Variants in PLET1 observed in about 807,000 individuals in gnomAD.
The protein encoded by PLET1 is placenta expressed transcript 1.
PLET1 carries 20 observed loss-of-function variants against 18.5 expected under a neutral mutation model. The observed-to-expected ratio is 1.08, with a 90% CI of 0.76 to 1.57. The LOEUF (loss-of-function observed/expected upper bound fraction) is 1.57, where lower values mean the gene tolerates loss of function less well. Ranked by LOEUF, PLET1 falls within the 40% of genes most tolerant of loss-of-function variation. The probability of loss-of-function intolerance (pLI) is 0.00; values close to 1 mark genes in which losing one functional copy is unlikely to be tolerated. For synonymous variants in PLET1, 93 were observed against 93.8 expected (o/e 0.99, Z 0.05); for missense variants, 256 against 246.4 (o/e 1.04, Z -0.26).
intron 3 of PLET1, 77 bp from the exon 4 acceptor site, chr11:112,249,051 G>A (rs765144979): frequency 2.4e-5 from 31 of 1,301,528 alleles, no homozygotes; most frequent in Non-Finnish European, 3.3e-5. Flanking sequence ...GTGGGCACTC[G>A]AGAAAGGAGG....
At chr11:112,259,941 G>A (rs956184775) in intron 1 of PLET1, among the ~76,000 whole-genome samples, 1 of 152,118 alleles carries the variant, frequency 6.6e-6, no homozygotes, top group Admixed American at 6.5e-5. Context: ...GGGAGGCTGA[G>A]GTACAAGAAT....
rs1164391338 is a variant in PLET1 at position 112,248,893 on chromosome 11, C to G, written c.530G>C (p.Arg177Thr). 1 of 1,551,364 alleles carries G rather than the reference C, an allele frequency of 6.4e-7. No individual in the cohort carries two copies. The highest frequency in any genetic ancestry group is 1.2e-5 in the South Asian group (1 of 84,052). ...PFFMITPKSI[R>T]LEGLANQVFS... ...GACTTGGTTGGCCAAGCCTTCGAGT[C>G]TGATACTCTTGGGTGTAATCATGAA... is the stretch of plus-strand genomic sequence containing the variant. Residue 177 changes from arginine (R) to threonine (T), a missense_variant, in exon 4 of 4, where the codon AGA becomes ACA. Transcript: ENST00000338832.
At chr11:112,250,362 G>A (rs773874402) in intron 3 of PLET1, among the ~76,000 whole-genome samples, 3 of 151,506 alleles carry the variant, frequency 2.0e-5, no homozygotes, top group African/African-American at 4.9e-5. Flanking sequence ...ACAGCCCATG[G>A]TCCTAAGATG....
At chr11:112,256,141 T>C (rs1566830060) in intron 1 of PLET1, among the ~76,000 whole-genome samples, 1 of 152,202 alleles carries the variant, frequency 6.6e-6, no homozygotes. Flanking sequence ...GGAGTGCCTT[T>C]GAGCCACAGG....
At chr11:112,259,790 C>G (rs962749175) in intron 1 of PLET1, among the ~76,000 whole-genome samples, 2 of 152,164 alleles carry the variant, frequency 1.3e-5, no homozygotes, top group African/African-American at 4.8e-5. Context: ...GTAATTCCAG[C>G]ACTTTGGGTG....
At chr11:112,260,052 CAAAAAGA>C (rs974122447) in intron 1 of PLET1, among the ~76,000 whole-genome samples, 28 of 152,126 alleles carry the variant, frequency 1.8e-4, no homozygotes, top group African/African-American at 6.7e-4. Flanking sequence ...AAAACAAAAA[CAAAAAGA>C]GAAAAGATTA....
intron 2 of PLET1, among the ~76,000 whole-genome samples, chr11:112,252,712 T>G (rs1456740487): frequency 6.6e-6 from 1 of 152,180 alleles, no homozygotes; most frequent in African/African-American, 2.4e-5. Flanking sequence ...CTATAATACC[T>G]GTCCTGGTCA....
rs1470910651 is a variant in PLET1, at chr11:112,260,729, T to C, written c.-140A>G. On this transcript the variant is annotated 5_prime_UTR_variant, in exon 1 of 4. Transcript: ENST00000338832. ...CCCCTTCTGAATATACATTGGATTC[T>C]GGAATTTGGCCCAAGACATCACCAG... The C allele has an allele frequency of 4.1e-6, 3 of 740,598 alleles. No individual in the cohort carries two copies. Among genetic ancestry groups the C allele is most frequent in the Non-Finnish European group, 6.4e-6 (3 of 471,632 alleles). 45.9% of individuals were successfully genotyped at this position (740,598 alleles called of 1,614,324 possible).
Position 112,248,969 on chromosome 11 carries a change from T to A in PLET1, c.454A>T (p.Thr152Ser). The part of the protein sequence containing the change: ...STLKLREKLS[T>S]LALAAKIPQS... ...GGAATCTTGGCAGCTAAGGCTAAGG[T>A]TGACACTGGAAAGGTGGTTGAGGGT... The change falls in exon 4 of 4, where the codon ACC becomes TCC. Residue 152 changes from threonine (T) to serine (S), a missense_variant. Thr to Ser is a moderately conservative substitution (Grantham distance 58). Coordinates refer to ENST00000338832, the MANE Select transcript of PLET1 (RefSeq NM_001145024.1). The A allele has an allele frequency of 6.5e-7, 1 of 1,550,094 alleles. No individual in the cohort carries two copies. The highest frequency in any genetic ancestry group is 2.4e-5 in the East Asian group (1 of 40,890).
chr11:112,260,720 A>G lies in PLET1; in HGVS notation c.-131T>C. On this transcript the variant is annotated 5_prime_UTR_variant, in exon 1 of 4. An upstream start codon of the reference 5' UTR is lost. Transcript: ENST00000338832. ...TTCTCCCTGCCCCTTCTGAATATACATTGGATTCTGGAATTTGGCCCAAGA... is the reference window on the plus strand; with the variant it reads ...TTCTCCCTGCCCCTTCTGAATATACGTTGGATTCTGGAATTTGGCCCAAGA... The G allele has an allele frequency of 1.3e-6, 1 of 777,488 alleles. No homozygotes were observed. Among genetic ancestry groups the G allele is most frequent in the South Asian group, 2.0e-5 (1 of 50,324 alleles). The allele number at this position is 777,488 out of a possible 1,614,324, so 48.2% of individuals were successfully genotyped here.
intron 1 of PLET1, chr11:112,260,148 T>TGA (rs1324546569): frequency 7.3e-6 from 3 of 413,242 alleles, no homozygotes; most frequent in African/African-American, 6.0e-5. Context: ...ACCCCAAGTG[T>TGA]GCTCTTGCTG....
At chr11:112,249,054 A>ATC in intron 3 of PLET1, 80 bp from the exon 4 acceptor site, 1 of 1,275,870 alleles carries the variant, frequency 7.8e-7, no homozygotes, top group Non-Finnish European at 1.1e-6. Flanking sequence ...GGCACTCGAG[A>ATC]AAGGAGGGTA....
intron 1 of PLET1, 74 bp downstream of exon 1, chr11:112,260,332 A>G: frequency 7.5e-7 from 1 of 1,334,732 alleles, no homozygotes; most frequent in East Asian, 2.5e-5. Context: ...GTAGCGATAG[A>G]GGGGTGTGTT....
chr11:112,249,109 A>G lies in PLET1; in HGVS notation c.449-135T>C, dbSNP rs1860129661. On this transcript the variant is annotated intron_variant, in intron 3 of 3. Coordinates refer to ENST00000338832, the MANE Select transcript of PLET1 (RefSeq NM_001145024.1). ...CCAGATTCATGAGCAAAATTCAATC[A>G]ACCCTTCTCCAGTGCCAAGTGTTTT... is the stretch of plus-strand genomic sequence containing the variant. 4 of 818,410 alleles carry G rather than the reference A, an allele frequency of 4.9e-6. No homozygotes were observed. The East Asian group carries it at 1.1e-4, about 22-fold the overall frequency. 50.7% of individuals were successfully genotyped at this position (818,410 alleles called of 1,614,324 possible).
intron 2 of PLET1, among the ~76,000 whole-genome samples, chr11:112,254,222 AAGG>A (rs1410611752): frequency 2.7e-5 from 1 of 36,930 alleles, no homozygotes; most frequent in Non-Finnish European, 5.9e-5. Context: ...TGTGTGTGAA[AAGG>A]GGGTATGTGT....
At chr11:112,256,216 C>T (rs1286438110) in intron 1 of PLET1, among the ~76,000 whole-genome samples, 2 of 152,174 alleles carry the variant, frequency 1.3e-5, no homozygotes. Flanking sequence ...TTTCAGCCTT[C>T]GGATGTGTAA....
chr11:112,253,731 C>A (rs1422433056), intron 2 of PLET1, among the ~76,000 whole-genome samples: 1 of 152,214 alleles, frequency 6.6e-6, no homozygotes, highest in Non-Finnish European at 1.5e-5. Context: ...ATAGTCCCTC[C>A]TCCAAAGCCA....
intron 1 of PLET1, among the ~76,000 whole-genome samples, chr11:112,257,138 CAT>C (rs1012461889): frequency 1.6e-4 from 24 of 152,332 alleles, no homozygotes; most frequent in African/African-American, 5.3e-4. Flanking sequence ...GTATCCAACA[CAT>C]GTTTTTGGAC....
At chr11:112,252,599 C>T (rs997611542) in intron 2 of PLET1, among the ~76,000 whole-genome samples, 190 bp from the exon 3 acceptor site, 1 of 152,176 alleles carries the variant, frequency 6.6e-6, no homozygotes. Flanking sequence ...GGTCAACTTC[C>T]ACACAGCCTC....
Sources: gnomAD v4.1 joint callset for allele counts (sites outside exome capture counted in the v4.1 genomes callset) on GRCh38, gnomAD v4.1.1 for gene constraint, MANE v1.5 for transcripts, NCBI Gene and HGNC (gene_info 2026-07-23, HGNC 2026-07-21) for gene names.